PTPN18: variants seen among roughly 807,000 people sequenced by gnomAD.
The protein encoded by PTPN18 is protein tyrosine phosphatase non-receptor type 18.
PTPN18 carries 65 observed loss-of-function variants against 65.4 expected under a neutral mutation model. The observed-to-expected ratio is 0.99, with a 90% CI of 0.81 to 1.22. The LOEUF is 1.22. PTPN18 is among the 50% of genes most tolerant of loss of function. PTPN18 has a pLI of 0.00. For synonymous variants in PTPN18, 255 were observed against 267.8 expected (o/e 0.95, Z 0.47); for missense variants, 616 against 646.5 (o/e 0.95, Z 0.51).
chr2:130,371,219 C>T lies in PTPN18; in HGVS notation c.945C>T (p.Asp315=), dbSNP rs551564117. The T allele has an allele frequency of 6.8e-6, 11 of 1,610,520 alleles. 1 individual carries two copies. Among genetic ancestry groups the T allele is most frequent in the Admixed American group, 1.7e-5 (1 of 59,986 alleles). ...NIKENCAPLY[D]DALFLRTPQA... ...TTCAGAATTGTGCCCCACTCTACGACGATGCCCTCTTCCTCCGGACTCCCC... is the reference window on the plus strand; with the variant it reads ...TTCAGAATTGTGCCCCACTCTACGATGATGCCCTCTTCCTCCGGACTCCCC... Residue 315 remains aspartate, a synonymous_variant, in exon 12 of 15, where the codon GAC becomes GAT. Coordinates refer to ENST00000175756, the MANE Select transcript of PTPN18 (RefSeq NM_014369.4).
At position 130,374,281 on chromosome 2, in the gene PTPN18, G is replaced by C. The variant is rs1008674182; in HGVS notation, c.*1057G>C. 5.7e-5 allele frequency: 13 copies of C among 229,370 alleles called. No individual in the cohort carries two copies. The highest frequency in any genetic ancestry group is 8.0e-5 in the Non-Finnish European group (9 of 112,596). The allele number at this position is 229,370 out of a possible 1,614,324, so 14.2% of individuals were successfully genotyped here. On this transcript the variant is annotated 3_prime_UTR_variant, in exon 15 of 15. Coordinates refer to ENST00000175756, the MANE Select transcript of PTPN18 (RefSeq NM_014369.4). Reference sequence around the variant, plus strand: ...CCCCCGCCAGACAGACTCCCAACCAGACTGACCCCTTACTATTCACACAGC... The same window carrying C: ...CCCCCGCCAGACAGACTCCCAACCACACTGACCCCTTACTATTCACACAGC...
chr2:130,369,682 G>A (rs1680491049), intron 6 of PTPN18, 83 bp from the exon 7 acceptor site: 1 of 1,364,738 alleles, frequency 7.3e-7, no homozygotes, highest in African/African-American at 1.5e-5. Flanking sequence ...AATCAGGAAT[G>A]CTTTGCTTTC....
intron 5 of PTPN18, among the ~76,000 whole-genome samples, chr2:130,364,822 A>G (rs1354283156): frequency 1.3e-5 from 2 of 152,154 alleles, no homozygotes; most frequent in Non-Finnish European, 2.9e-5. Flanking sequence ...CAACAACAAA[A>G]AATTGGTATA....
At chr2:130,367,363 C>T (rs193101558) in intron 5 of PTPN18, among the ~76,000 whole-genome samples, 1 of 152,150 alleles carries the variant, frequency 6.6e-6, no homozygotes, top group East Asian at 1.9e-4. Flanking sequence ...TCCTTTTGTG[C>T]ATAATGCTTT....
Position 130,371,216 on chromosome 2 carries a change from C to T in PTPN18, c.942C>T (p.Tyr314=), listed in dbSNP as rs533044652. 14 of 1,610,188 alleles carry T rather than the reference C, an allele frequency of 8.7e-6. No individual in the cohort carries two copies. Among genetic ancestry groups the T allele is most frequent in the Admixed American group, 8.3e-5 (5 of 59,978 alleles). ...QNIKENCAPL[Y]DDALFLRTPQ... The stretch of plus-strand genomic sequence containing the variant: ...TTCTTCAGAATTGTGCCCCACTCTA[C>T]GACGATGCCCTCTTCCTCCGGACTC... The change falls in exon 12 of 15, where the codon TAC becomes TAT. Residue 314 remains tyrosine, a synonymous_variant. Transcript: ENST00000175756.
At position 130,370,978 on chromosome 2, in the gene PTPN18, T is replaced by C; in HGVS notation, c.924+14T>C. ...AACATCAAAGAGGTACAGAGGCTCC[T>C]TTCCCACTCTCCTGTCCACCATCAG... is the stretch of plus-strand genomic sequence containing the variant. On this transcript the variant is annotated intron_variant, in intron 11 of 14. Coordinates refer to ENST00000175756, the MANE Select transcript of PTPN18 (RefSeq NM_014369.4). 2 of 1,610,398 alleles carry C rather than the reference T, an allele frequency of 1.2e-6. No individual in the cohort carries two copies. The highest frequency in any genetic ancestry group is 1.7e-6 in the Non-Finnish European group (2 of 1,177,010).
intron 1 of PTPN18, chr2:130,356,739 C>T (rs1679985633): frequency 2.4e-6 from 1 of 423,394 alleles, no homozygotes; most frequent in Middle Eastern, 3.5e-4. Context: ...CGCGTGTGGT[C>T]CAGGCGGTCT....
At position 130,373,290 on chromosome 2, in the gene PTPN18, AGCGCCGT is replaced by A. The variant is rs1680641530; in HGVS notation, c.*71_*77del. Reference sequence around the variant, plus strand: ...GACTGCTGATGCCCCGGTGCTGCTGAGCGCCGTGCGCAGAATGGAAACAGTGGGCCTG... The same window carrying A: ...GACTGCTGATGCCCCGGTGCTGCTGAGCGCAGAATGGAAACAGTGGGCCTG... On this transcript the variant is annotated 3_prime_UTR_variant, in exon 15 of 15. Coordinates refer to ENST00000175756, the MANE Select transcript of PTPN18 (RefSeq NM_014369.4). The surrounding 1 kb of genome is among the most constrained non-coding windows in gnomAD (Gnocchi z 4.1). 9 of 1,426,076 alleles carry A rather than the reference AGCGCCGT, an allele frequency of 6.3e-6. No homozygotes were observed. Among genetic ancestry groups the A allele is most frequent in the Non-Finnish European group, 8.5e-6 (9 of 1,063,062 alleles). The allele number at this position is 1,426,076 out of a possible 1,614,324, so 88.3% of individuals were successfully genotyped here. A position where few individuals can be genotyped will look rare whatever the true frequency, so the allele number is the denominator to read the frequency against.
intron 5 of PTPN18, among the ~76,000 whole-genome samples, chr2:130,361,042 T>G (rs1680174711): frequency 6.6e-6 from 1 of 152,208 alleles, no homozygotes; most frequent in South Asian, 2.1e-4. Context: ...AAACAATGTG[T>G]ATTCTGCTTT....
In PTPN18 at chr2:130,359,308, G is replaced by C; in HGVS notation, c.278G>C (p.Arg93Pro). ...HSDYINGNFI[R>P]GVDGSLAYIA... ...GACTACATTAATGGCAACTTCATCC[G>C]GGTGAGGGTTGGGGTCACGGAAGGA... The change falls in exon 3 of 15, where the codon CGG becomes CCG. Residue 93 changes from arginine to proline, a missense_variant and splice_region_variant. Around this residue, in one of 3 missense-constraint regions of PTPN18, gnomAD observed 223 missense variants for 210.0 expected, o/e 1.06. Transcript: ENST00000175756. 3 of 1,614,212 alleles carry C rather than the reference G, an allele frequency of 1.9e-6. No homozygotes were observed. The highest frequency in any genetic ancestry group is 1.7e-6 in the Non-Finnish European group (2 of 1,180,034).
chr2:130,371,176 C>G, intron 11 of PTPN18, 23 bp from the exon 12 acceptor site: 1 of 1,560,358 alleles, frequency 6.4e-7, no homozygotes, highest in African/African-American at 1.4e-5. Flanking sequence ...CCCTCAGGAG[C>G]CTCCCCTCCT....
At position 130,359,362 on chromosome 2, in the gene PTPN18, C is replaced by T. The variant is rs761515008; in HGVS notation, c.280-35C>T. The T allele has an allele frequency of 8.7e-6, 14 of 1,613,814 alleles. No individual in the cohort carries two copies. The Admixed American group carries it at 1.2e-4, about 13-fold the overall frequency. On this transcript the variant is annotated intron_variant, in intron 3 of 14. Transcript: ENST00000175756. Reference sequence around the variant, plus strand: ...GGACTGGGAGTGGCCAGGGGTGGGCCGCAGAATCTCAGTCGTGAATTCGGC... The same window carrying T: ...GGACTGGGAGTGGCCAGGGGTGGGCTGCAGAATCTCAGTCGTGAATTCGGC...
rs183864566 is a variant in PTPN18 at position 130,373,544 on chromosome 2, A to G, written c.*320A>G. The stretch of plus-strand genomic sequence containing the variant: ...GAGACTGCTCTCCTCACCACACAGC[A>G]CTAGTCCATCCTCAGCACCTGAGCC... On this transcript the variant is annotated 3_prime_UTR_variant, in exon 15 of 15. Coordinates refer to ENST00000175756, the MANE Select transcript of PTPN18 (RefSeq NM_014369.4). The surrounding 1 kb of genome is among the most constrained non-coding windows in gnomAD (Gnocchi z 4.1). 1.3e-4 allele frequency: 31 copies of G among 229,952 alleles called. 1 individual carries two copies. The highest frequency in any genetic ancestry group is 6.8e-4 in the African/African-American group (30 of 44,308). The allele number at this position is 229,952 out of a possible 1,614,324, so 14.2% of individuals were successfully genotyped here.
chr2:130,371,107 C>G, intron 11 of PTPN18, 92 bp from the exon 12 acceptor site: 1 of 1,385,744 alleles, frequency 7.2e-7, no homozygotes, highest in Non-Finnish European at 1.0e-6. Context: ...GCATCCTTAT[C>G]AGGCTCTCCC....
At position 130,370,640 on chromosome 2, in the gene PTPN18, C is replaced by T. The variant is rs758028319; in HGVS notation, c.756+17C>T. ...CTGACCCAGGTACGATACAGGCATC[C>T]TGTGTGTGCAGTGTGCTGCCCATGA... On this transcript the variant is annotated intron_variant, in intron 9 of 14. Transcript: ENST00000175756. The T allele has an allele frequency of 3.7e-6, 6 of 1,614,210 alleles. No individual in the cohort carries two copies. In the South Asian group the frequency reaches 6.6e-5, roughly 18 times the overall value.
At position 130,373,552 on chromosome 2, in the gene PTPN18, A is replaced by C. The variant is rs1573869376; in HGVS notation, c.*328A>C. Reference sequence around the variant, plus strand: ...TCTCCTCACCACACAGCACTAGTCCATCCTCAGCACCTGAGCCTCCCTCAC... The same window carrying C: ...TCTCCTCACCACACAGCACTAGTCCCTCCTCAGCACCTGAGCCTCCCTCAC... On this transcript the variant is annotated 3_prime_UTR_variant, in exon 15 of 15. Transcript: ENST00000175756. This position sits in a 1 kb window ranked among gnomAD's most constrained non-coding sequence, Gnocchi z 4.1. The C allele has an allele frequency of 4.7e-6, 1 of 212,132 alleles. No homozygotes were observed. The allele number at this position is 212,132 out of a possible 1,614,324, so 13.1% of individuals were successfully genotyped here.
At chr2:130,360,814 C>T (rs1680168732) in intron 5 of PTPN18, among the ~76,000 whole-genome samples, 1 of 150,878 alleles carries the variant, frequency 6.6e-6, no homozygotes, top group African/African-American at 2.4e-5. Context: ...TTCATTTTCT[C>T]TATTGATTTT....
chr2:130,362,178 C>A, intron 5 of PTPN18: 1 of 469,594 alleles, frequency 2.1e-6, no homozygotes, highest in South Asian at 1.6e-5. Flanking sequence ...ACGTATAATC[C>A]AGGCTGGTCT....
intron 13 of PTPN18, 145 bp from the exon 14 acceptor site, chr2:130,372,728 G>A (rs1680615943): frequency 9.4e-7 from 1 of 1,059,346 alleles, no homozygotes; most frequent in Non-Finnish European, 1.4e-6. Context: ...AAGGCTGGAG[G>A]CCACGTCCGG....
Sources: gnomAD v4.1 joint callset for allele counts (sites outside exome capture counted in the v4.1 genomes callset) on GRCh38, gnomAD v4.1.1 for gene constraint, gnomAD v4.1.1 regional missense constraint, Gnocchi (gnomAD v3.1) non-coding constraint, MANE v1.5 for transcripts, NCBI Gene and HGNC (gene_info 2026-07-23, HGNC 2026-07-21) for gene names.